ADAMTS6: variants seen among roughly 807,000 people sequenced by gnomAD.
ADAMTS6 encodes the protein ADAM metallopeptidase with thrombospondin type 1 motif 6, also known as A disintegrin and metalloproteinase with thrombospondin motifs 6.
Under a neutral mutation model 144.3 loss-of-function variants are expected in ADAMTS6, and 23 were observed. That is an observed-to-expected ratio of 0.16 (90% CI 0.11 to 0.23). ADAMTS6 has a LOEUF of 0.23. Among genes scored for constraint, ADAMTS6 ranks in the 10% least tolerant of loss-of-function variants. The pLI is 1.00. For synonymous variants in ADAMTS6, 444 were observed against 457.5 expected (o/e 0.97, Z 0.38); for missense variants, 999 against 1,379.6 (o/e 0.72, Z 4.37).
At chr5:65,187,600 A>G (rs1016896933) in intron 22 of ADAMTS6, among the ~76,000 whole-genome samples, 1 of 152,204 alleles carries the variant, frequency 6.6e-6, no homozygotes, top group Non-Finnish European at 1.5e-5. Context: ...TGCTTTCCAA[A>G]TGAGATCCTA....
chr5:65,395,629 A>G (rs781426179), intron 7 of ADAMTS6, among the ~76,000 whole-genome samples: 1 of 152,144 alleles, frequency 6.6e-6, no homozygotes, highest in Non-Finnish European at 1.5e-5. Context: ...GCCACTAACC[A>G]TGCCTCCCCA....
intron 7 of ADAMTS6, among the ~76,000 whole-genome samples, chr5:65,436,244 A>G (rs1757392812): frequency 6.6e-6 from 1 of 151,876 alleles, no homozygotes; most frequent in South Asian, 2.1e-4. Flanking sequence ...GCATGCACAC[A>G]CTCACAAAGC....
chr5:65,451,215 T>TA, intron 7 of ADAMTS6: 1 of 317,174 alleles, frequency 3.2e-6, no homozygotes, highest in Admixed American at 4.8e-5. Context: ...GATTAAATAT[T>TA]ATGAATAGAA....
In ADAMTS6 at chr5:65,172,916, T is replaced by C. The variant is rs767786776; in HGVS notation, c.3003A>G (p.Pro1001=). ...TGCGGACAGGAGGTTTGCTTTCCTC[T>C]GGACATTGTGCAGCTGGGAATGTCT... ...LSKTFPAAQC[P]EESKPPVRIR... Residue 1001 remains proline (P), a synonymous_variant, in exon 23 of 25, where the codon CCA becomes CCG. Transcript: ENST00000381055. 6.2e-7 allele frequency: 1 copy of C among 1,614,238 alleles called. No individual in the cohort carries two copies. The highest frequency in any genetic ancestry group is 1.1e-5 in the South Asian group (1 of 91,086).
rs762758844 is a variant in ADAMTS6 at position 65,452,763 on chromosome 5, C to A, written c.787G>T (p.Val263Leu). 6.2e-7 allele frequency: 1 copy of A among 1,614,106 alleles called. No individual in the cohort carries two copies. Among genetic ancestry groups the A allele is most frequent in the African/African-American group, 1.3e-5 (1 of 75,058 alleles). Residue 263 changes from valine (V) to leucine (L), a missense_variant, in exon 5 of 25, where the codon GTG (valine) becomes TTG (leucine). Transcript: ENST00000381055. ...ETLVVADKMM[V>L]GYHGRKDIEH... ...ATGTCTTTGCGGCCATGGTAGCCCA[C>A]CATCATTTTGTCTGCCACTACCAAT...
chr5:65,250,281 G>C (rs762368775), intron 14 of ADAMTS6, among the ~76,000 whole-genome samples: 3 of 152,156 alleles, frequency 2.0e-5, no homozygotes, highest in African/African-American at 7.2e-5. Context: ...AGAGAGGTTA[G>C]GTGATTTGCC....
At chr5:65,291,215 T>C in intron 11 of ADAMTS6, 114 bp downstream of exon 11, 1 of 1,277,748 alleles carries the variant, frequency 7.8e-7, no homozygotes, top group Non-Finnish European at 1.1e-6. Flanking sequence ...AAAAGCCATA[T>C]TTAAATTAAA....
intron 14 of ADAMTS6, among the ~76,000 whole-genome samples, chr5:65,244,171 A>G (rs1206447058): frequency 6.6e-6 from 1 of 152,074 alleles, no homozygotes; most frequent in Non-Finnish European, 1.5e-5. Flanking sequence ...AGGGAGTGGG[A>G]GACTATTAAG....
intron 21 of ADAMTS6, among the ~76,000 whole-genome samples, chr5:65,189,932 G>C (rs1223620854): frequency 6.6e-6 from 1 of 152,202 alleles, no homozygotes; most frequent in Non-Finnish European, 1.5e-5. Context: ...TTTTAGGTGG[G>C]AGACTCCCAA....
chr5:65,183,096 A>T (rs1159994856), intron 22 of ADAMTS6, among the ~76,000 whole-genome samples: 1 of 152,238 alleles, frequency 6.6e-6, no homozygotes. Flanking sequence ...CAGAAATGCC[A>T]CTTTAACCTG....
At chr5:65,393,364 A>G (rs1753084567) in intron 7 of ADAMTS6, among the ~76,000 whole-genome samples, 1 of 152,226 alleles carries the variant, frequency 6.6e-6, no homozygotes, top group Non-Finnish European at 1.5e-5. Context: ...CAATTTAAGT[A>G]TATTAATGCA....
intron 15 of ADAMTS6, among the ~76,000 whole-genome samples, chr5:65,232,984 A>G (rs994050113): frequency 6.6e-6 from 1 of 152,168 alleles, no homozygotes; most frequent in Non-Finnish European, 1.5e-5. Context: ...GGCAAAAATT[A>G]AAAGGATCAT....
intron 11 of ADAMTS6, among the ~76,000 whole-genome samples, chr5:65,278,733 G>A (rs934461285): frequency 1.3e-5 from 2 of 152,064 alleles, no homozygotes; most frequent in African/African-American, 4.8e-5. Flanking sequence ...ACATCCATTA[G>A]CAGTTAATTT....
At chr5:65,275,041 T>C (rs937722296) in intron 11 of ADAMTS6, among the ~76,000 whole-genome samples, 1 of 151,526 alleles carries the variant, frequency 6.6e-6, no homozygotes, top group Non-Finnish European at 1.5e-5. Flanking sequence ...ACTAGTGGCC[T>C]AGAGAGACAA....
intron 9 of ADAMTS6, among the ~76,000 whole-genome samples, chr5:65,321,331 G>T (rs1745592359): frequency 6.6e-6 from 1 of 151,770 alleles, no homozygotes; most frequent in Admixed American, 6.6e-5. Flanking sequence ...ATATATGTAT[G>T]TATGTATGTC....
At position 65,473,802 on chromosome 5, in the gene ADAMTS6, T is replaced by C. The variant is rs1369240074; in HGVS notation, c.-129A>G. The C allele has an allele frequency of 7.6e-6, 5 of 655,418 alleles. No homozygotes were observed. In the Admixed American group the frequency reaches 1.1e-4, roughly 14 times the overall value. 40.6% of individuals were successfully genotyped at this position (655,418 alleles called of 1,614,324 possible). On this transcript the variant is annotated 5_prime_UTR_variant, in exon 2 of 25. Transcript: ENST00000381055. ...GCAAATTAGTTATTGGATGTTCCAC[T>C]GTTTAAGAGCCACTTTTATCCAACA...
intron 7 of ADAMTS6, among the ~76,000 whole-genome samples, chr5:65,415,098 T>C (rs973167855): frequency 6.6e-6 from 1 of 152,224 alleles, no homozygotes; most frequent in African/African-American, 2.4e-5. Flanking sequence ...ATAAGTCTAA[T>C]ATTCAAATTT....
intron 9 of ADAMTS6, among the ~76,000 whole-genome samples, chr5:65,315,694 T>C (rs1039074420): frequency 1.3e-5 from 2 of 151,848 alleles, no homozygotes; most frequent in Non-Finnish European, 2.9e-5. Flanking sequence ...AAAACTGGGG[T>C]AGCTATATTA....
At chr5:65,420,651 G>C (rs902627332) in intron 7 of ADAMTS6, among the ~76,000 whole-genome samples, 1 of 102,262 alleles carries the variant, frequency 9.8e-6, no homozygotes, top group Non-Finnish European at 1.9e-5. Flanking sequence ...AAAGTGCTGG[G>C]ATTACAGGCG....
Sources: allele counts gnomAD v4.1 joint callset (sites outside exome capture counted in the v4.1 genomes callset), GRCh38; gene constraint gnomAD v4.1.1; transcripts MANE v1.5; gene names NCBI Gene and HGNC (gene_info 2026-07-23, HGNC 2026-07-21).